The following CEP135 variants were observed in gnomAD, a reference collection of about 807,000 sequenced individuals.
CEP135 encodes centrosomal protein of 135 kDa.
Under a neutral mutation model 157.3 loss-of-function variants are expected in CEP135, and 142 were observed. The observed-to-expected ratio is 0.90, with a 90% CI of 0.79 to 1.04. The LOEUF (loss-of-function observed/expected upper bound fraction) is 1.04, where lower values mean the gene tolerates loss of function less well. CEP135 is among the 50% of genes least tolerant of loss of function. The pLI, the probability that CEP135 is intolerant of heterozygous loss-of-function variation, is 0.00. For missense variants in CEP135, 1,317 were observed against 1,309.2 expected, an observed-to-expected ratio of 1.01 and a Z score of -0.09; for synonymous variants, 396 against 439.8, an observed-to-expected ratio of 0.90 and a Z score of 1.25.
chr4:56,011,266 A>C, intron 19 of CEP135, 146 bp from the exon 20 acceptor site: 1 of 584,020 alleles, frequency 1.7e-6, no homozygotes, highest in Non-Finnish European at 2.9e-6. Context: ...CAGCCAGGAA[A>C]AATATGTGAA....
chr4:56,011,820 GT>G lies in CEP135; in HGVS notation c.2639del (p.Leu880Ter), dbSNP rs760920134. 1 of 1,572,464 alleles carries G rather than the reference GT, an allele frequency of 6.4e-7. No individual in the cohort carries two copies. Among genetic ancestry groups the G allele is most frequent in the Non-Finnish European group, 8.6e-7 (1 of 1,167,368 alleles). On this transcript the variant is annotated frameshift_variant, in exon 21 of 26. Transcript: ENST00000257287. LOFTEE classifies it high-confidence loss of function. ...ACCAGGAAAAAGAAAATCAAGATTT[GT>G]TAGATAGATTTCAGATGCTTCATAA... ...AAKEKENQDLLDRFQMLHNRA... is the reference protein window; with the variant it reads ...AAKEKENQDLXDRFQMLHNRA...
Position 55,999,513 on chromosome 4 carries a change from T to TTAAGTTAGA in CEP135, c.2149_2150insAAGTTAGAT (p.Thr716_Ser717insTer). 1 of 1,611,514 alleles carries TTAAGTTAGA rather than the reference T, an allele frequency of 6.2e-7. No homozygotes were observed. On this transcript the variant is annotated stop_gained and inframe_insertion, in exon 17 of 26. Transcript: ENST00000257287. LOFTEE classifies it high-confidence loss of function. Reference sequence around the variant, plus strand: ...TAGATGAACTAAACCTTAAGATGACTTCACAGGATGAGGAGGCTCATGTAA... The same window carrying TTAAGTTAGA: ...TAGATGAACTAAACCTTAAGATGACTTAAGTTAGATCACAGGATGAGGAGGCTCATGTAA...
chr4:55,980,346 T>C, intron 12 of CEP135, 51 bp downstream of exon 12: 1 of 1,174,762 alleles, frequency 8.5e-7, no homozygotes, highest in Non-Finnish European at 1.2e-6. Context: ...ACCAGTTAAC[T>C]ATAATGGAGC....
In CEP135 at chr4:55,970,701, G is replaced by T. The variant is rs146894010; in HGVS notation, c.1111-569G>T. Among the ~76,000 whole-genome samples the T allele has an allele frequency of 7.6e-3, 1,160 of 152,220 alleles. 19 individuals carry two copies. The highest frequency in any genetic ancestry group is 0.026 in the African/African-American group (1,088 of 41,532). On this transcript the variant is annotated intron_variant, in intron 9 of 25. Coordinates refer to ENST00000257287, the MANE Select transcript of CEP135 (RefSeq NM_025009.5). ...TTTCTTACCTTTCTTATTTTTTCTAGTAATGCAAAATTCTATGTATTTTTG... is the reference window on the plus strand; with the variant it reads ...TTTCTTACCTTTCTTATTTTTTCTATTAATGCAAAATTCTATGTATTTTTG...
At chr4:55,965,562 T>G in intron 7 of CEP135, 82 bp from the exon 8 acceptor site, 1 of 877,064 alleles carries the variant, frequency 1.1e-6, no homozygotes, top group African/African-American at 1.7e-5. Context: ...TAAAATATAG[T>G]TTTTTGAAGT....
chr4:56,010,339 G>A (rs1284307199), intron 19 of CEP135, among the ~76,000 whole-genome samples: 2 of 147,962 alleles, frequency 1.4e-5, no homozygotes, highest in Non-Finnish European at 1.5e-5. Context: ...TCCAGCCTGG[G>A]CAACAGAGTG....
intron 14 of CEP135, among the ~76,000 whole-genome samples, chr4:55,986,217 T>C (rs1729575625): frequency 6.6e-6 from 1 of 152,222 alleles, no homozygotes; most frequent in Non-Finnish European, 1.5e-5. Flanking sequence ...GTATTAGCTA[T>C]GATTATTGTT....
intron 15 of CEP135, 117 bp downstream of exon 15, chr4:55,992,202 T>C (rs1345063776): frequency 1.1e-6 from 1 of 943,766 alleles, no homozygotes; most frequent in Non-Finnish European, 1.6e-6. Flanking sequence ...GAAGTTGGCT[T>C]TGCAGTAGAC....
intron 18 of CEP135, 76 bp downstream of exon 18, chr4:56,008,458 T>C (rs904877427): frequency 2.1e-5 from 23 of 1,119,822 alleles, no homozygotes; most frequent in Non-Finnish European, 2.7e-5. Context: ...TCAGTAGCAT[T>C]GCAGCAATAG....
intron 25 of CEP135, among the ~76,000 whole-genome samples, chr4:56,030,119 C>T (rs1008344610): frequency 2.4e-4 from 36 of 152,146 alleles, no homozygotes; most frequent in African/African-American, 8.0e-4. Flanking sequence ...TCATCAATAT[C>T]ACTGTCTCCT....
At chr4:55,994,867 G>T (rs1251201663) in intron 15 of CEP135, among the ~76,000 whole-genome samples, 1 of 151,862 alleles carries the variant, frequency 6.6e-6, no homozygotes, top group African/African-American at 2.4e-5. Flanking sequence ...TGTATTTTTA[G>T]TAGAGAAGGG....
At chr4:55,987,653 C>A (rs963501892) in intron 14 of CEP135, among the ~76,000 whole-genome samples, 2 of 152,018 alleles carry the variant, frequency 1.3e-5, no homozygotes, top group Non-Finnish European at 1.5e-5. Flanking sequence ...TTATTTCAGG[C>A]GGAAGAGTAA....
At chr4:56,020,544 A>G (rs1730939092) in intron 23 of CEP135, 132 bp from the exon 24 acceptor site, 4 of 690,832 alleles carry the variant, frequency 5.8e-6, no homozygotes, top group Non-Finnish European at 1.0e-5. Flanking sequence ...AGAAAATGTG[A>G]TAAAAGCTCT....
At chr4:56,012,313 C>A (rs1251720313) in intron 21 of CEP135, among the ~76,000 whole-genome samples, 2 of 152,186 alleles carry the variant, frequency 1.3e-5, no homozygotes, top group African/African-American at 4.8e-5. Flanking sequence ...GCCTCAGCCT[C>A]CCAAAGTGCT....
chr4:55,995,946 T>TATAC (rs1729956051), intron 15 of CEP135, among the ~76,000 whole-genome samples: 1 of 152,168 alleles, frequency 6.6e-6, no homozygotes, highest in African/African-American at 2.4e-5. Flanking sequence ...AACCAGAGGG[T>TATAC]ATACTCTTAT....
chr4:55,964,429 G>A (rs1416769235), intron 7 of CEP135, 27 bp downstream of exon 7: 3 of 1,552,606 alleles, frequency 1.9e-6, no homozygotes, highest in South Asian at 2.3e-5. Flanking sequence ...TTATTTCACT[G>A]AGTGTATATA....
intron 2 of CEP135, 116 bp downstream of exon 2, chr4:55,952,359 A>G (rs1728382983): frequency 4.6e-6 from 3 of 646,432 alleles, no homozygotes; most frequent in Middle Eastern, 2.7e-4. Flanking sequence ...GCTTTCAATC[A>G]TGAAGCTTAT....
intron 11 of CEP135, among the ~76,000 whole-genome samples, chr4:55,976,235 CAA>C (rs749867669): frequency 0.011 from 851 of 79,516 alleles, 5 homozygotes; most frequent in African/African-American, 0.029. Flanking sequence ...GCCTGGGTGA[CAA>C]AAAAAAAAAA....
intron 17 of CEP135, among the ~76,000 whole-genome samples, chr4:56,004,574 T>C (rs1453655153): frequency 6.6e-6 from 1 of 152,236 alleles, no homozygotes; most frequent in Non-Finnish European, 1.5e-5. Context: ...TTGCTTTATA[T>C]ACCTGGGAAC....
Sources: allele counts gnomAD v4.1 joint callset (sites outside exome capture counted in the v4.1 genomes callset), GRCh38; gene constraint gnomAD v4.1.1; transcripts MANE v1.5; gene names NCBI Gene and HGNC (gene_info 2026-07-23, HGNC 2026-07-21).